The following SPATA6 variants were observed in gnomAD, a reference collection of about 807,000 sequenced individuals.
SPATA6 encodes the protein spermatogenesis associated 6, also known as spermatogenesis-associated protein 6.
A neutral mutation model predicts 65.3 loss-of-function variants in SPATA6; 56 were observed. That is an observed-to-expected ratio of 0.86 (90% CI 0.69 to 1.07). The LOEUF is 1.07. SPATA6 is among the 50% of genes least tolerant of loss of function. The pLI is 0.00. For missense variants in SPATA6, 590 were observed against 594.8 expected (o/e 0.99, Z 0.08); for synonymous variants, 199 against 213.2 (o/e 0.93, Z 0.58).
At chr1:48,434,053 A>C (rs1431065081) in intron 3 of SPATA6, among the ~76,000 whole-genome samples, 1 of 152,194 alleles carries the variant, frequency 6.6e-6, no homozygotes, top group Middle Eastern at 3.2e-3. Context: ...CTATTCTATT[A>C]TAAATTTTCA....
At chr1:48,312,663 G>T (rs147840085) in intron 11 of SPATA6, among the ~76,000 whole-genome samples, 3,840 of 152,286 alleles carry the variant, frequency 0.025, 67 homozygotes, top group Non-Finnish European at 0.035. Context: ...AAGGAATGCA[G>T]CTCCTCACCA....
At chr1:48,344,480 C>T (rs1310250872) in intron 11 of SPATA6, among the ~76,000 whole-genome samples, 4 of 151,994 alleles carry the variant, frequency 2.6e-5, no homozygotes, top group Admixed American at 1.3e-4. Context: ...ACATAGTCTG[C>T]GAGATAAGCA....
intron 1 of SPATA6, among the ~76,000 whole-genome samples, chr1:48,455,048 C>T (rs997987585): frequency 6.6e-6 from 1 of 152,118 alleles, no homozygotes; most frequent in African/African-American, 2.4e-5. Context: ...AATATATTCC[C>T]AATTGATCAT....
At chr1:48,330,837 G>A (rs1645895176) in intron 11 of SPATA6, among the ~76,000 whole-genome samples, 1 of 152,060 alleles carries the variant, frequency 6.6e-6, no homozygotes, top group South Asian at 2.1e-4. Context: ...TTTCTCCCAG[G>A]AAGCACACAA....
chr1:48,315,909 C>T (rs1645400640), intron 11 of SPATA6, among the ~76,000 whole-genome samples: 1 of 152,038 alleles, frequency 6.6e-6, no homozygotes, highest in African/African-American at 2.4e-5. Flanking sequence ...AACAGAGAGC[C>T]AAATCATGAG....
At chr1:48,311,532 A>G (rs1297069823) in intron 11 of SPATA6, among the ~76,000 whole-genome samples, 1 of 152,204 alleles carries the variant, frequency 6.6e-6, no homozygotes, top group African/African-American at 2.4e-5. Flanking sequence ...GAATACACCT[A>G]TAATAAAGAA....
intron 9 of SPATA6, among the ~76,000 whole-genome samples, chr1:48,360,710 T>C (rs573690860): frequency 1.3e-5 from 2 of 152,324 alleles, no homozygotes; most frequent in East Asian, 3.9e-4. Context: ...CAGGCTATTA[T>C]ATTGAGAATA....
chr1:48,464,580 TAAG>T (rs1379675545), intron 1 of SPATA6, among the ~76,000 whole-genome samples: 1 of 152,190 alleles, frequency 6.6e-6, no homozygotes, highest in African/African-American at 2.4e-5. Flanking sequence ...TATATTCATT[TAAG>T]AAGGGAAAAA....
At chr1:48,282,389 A>G in the SPATA6 span, among the ~76,000 whole-genome samples, 40 of 152,252 alleles carry the variant, frequency 2.6e-4, no homozygotes, top group Non-Finnish European at 5.1e-4. Flanking sequence ...CCATCAGAGT[A>G]AACAGGCAAC....
the SPATA6 span, among the ~76,000 whole-genome samples, chr1:48,288,679 C>T: frequency 1.0e-3 from 153 of 152,302 alleles, 1 homozygote; most frequent in East Asian, 7.9e-3. Context: ...TCTTGGCAAA[C>T]GGCACACCAG....
intron 3 of SPATA6, among the ~76,000 whole-genome samples, chr1:48,440,511 A>C (rs1181982045): frequency 2.6e-5 from 4 of 152,152 alleles, no homozygotes; most frequent in African/African-American, 9.7e-5. Flanking sequence ...TCAGCAACCC[A>C]TCCCCAGTAT....
rs146620926 is a variant in SPATA6, at chr1:48,360,469, G to A, written c.910-699C>T. On this transcript the variant is annotated intron_variant, in intron 9 of 12. Coordinates refer to ENST00000371847, the MANE Select transcript of SPATA6 (RefSeq NM_019073.4). ...AGACCTGAAGACCTCAGTAAAGACC[G>A]TAAGACCTAAGTCACGAAGATTATC... 2.6e-4 allele frequency among the ~76,000 whole-genome samples: 40 copies of A among 152,118 alleles called. No homozygotes were observed. In the East Asian group the frequency reaches 6.8e-3, roughly 26 times the overall value.
At chr1:48,353,822 A>C (rs1646581244) in intron 11 of SPATA6, among the ~76,000 whole-genome samples, 1 of 152,060 alleles carries the variant, frequency 6.6e-6, no homozygotes, top group African/African-American at 2.4e-5. Context: ...GGCCTTTAGA[A>C]GACATAGGAG....
At chr1:48,279,329 C>T in the SPATA6 span, among the ~76,000 whole-genome samples, 18 of 152,234 alleles carry the variant, frequency 1.2e-4, no homozygotes, top group South Asian at 8.3e-4. Context: ...TCACACATAA[C>T]GATATTAACT....
intron 11 of SPATA6, among the ~76,000 whole-genome samples, chr1:48,318,371 A>C (rs540237264): frequency 3.7e-4 from 57 of 152,294 alleles, no homozygotes; most frequent in African/African-American, 1.2e-3. Context: ...TCTGTATTTT[A>C]AAAATTCCAC....
intron 11 of SPATA6, among the ~76,000 whole-genome samples, chr1:48,315,259 T>G (rs1645373894): frequency 6.6e-6 from 1 of 152,122 alleles, no homozygotes; most frequent in Admixed American, 6.6e-5. Context: ...TTTAGACCAA[T>G]ATCCCTGATG....
the SPATA6 span, among the ~76,000 whole-genome samples, chr1:48,264,033 T>C: frequency 2.0e-5 from 3 of 152,210 alleles, no homozygotes; most frequent in Non-Finnish European, 4.4e-5. Context: ...CTTGCTATGT[T>C]GCCCAGGCTA....
In SPATA6 at chr1:48,298,701, T is replaced by C. The variant is rs1377680816; in HGVS notation, c.*12A>G. On this transcript the variant is annotated 3_prime_UTR_variant, in exon 13 of 13. Coordinates refer to ENST00000371847, the MANE Select transcript of SPATA6 (RefSeq NM_019073.4). ...TTGACACGGACACTAATGAGGTTTATCATGGATGGTCTCAGAAGCTTTCCT... is the reference window on the plus strand; with the variant it reads ...TTGACACGGACACTAATGAGGTTTACCATGGATGGTCTCAGAAGCTTTCCT... 1 of 1,606,920 alleles carries C rather than the reference T, an allele frequency of 6.2e-7. No homozygotes were observed. The highest frequency in any genetic ancestry group is 8.5e-7 in the Non-Finnish European group (1 of 1,176,356).
chr1:48,302,099 T>G (rs1644953363), intron 12 of SPATA6, among the ~76,000 whole-genome samples: 1 of 152,216 alleles, frequency 6.6e-6, no homozygotes, highest in Non-Finnish European at 1.5e-5. Context: ...TTGCAGAAAC[T>G]CTGGATTCTT....
Sources: gnomAD v4.1 joint callset for allele counts (sites outside exome capture counted in the v4.1 genomes callset) on GRCh38, gnomAD v4.1.1 for gene constraint, MANE v1.5 for transcripts, NCBI Gene and HGNC (gene_info 2026-07-23, HGNC 2026-07-21) for gene names.